NOL4: variants seen among roughly 807,000 people sequenced by gnomAD.
The protein encoded by NOL4 is cancer/testis antigen 125.
Under a neutral mutation model 75.9 loss-of-function variants are expected in NOL4, and 17 were observed. That is an observed-to-expected ratio of 0.22 (90% CI 0.15 to 0.34). The LOEUF is 0.34. NOL4 is among the 10% of genes least tolerant of loss of function. The probability of loss-of-function intolerance (pLI) is 1.00; values close to 1 mark genes in which losing one functional copy is unlikely to be tolerated. For missense variants in NOL4, 614 were observed against 793.5 expected (o/e 0.77, Z 2.72); for synonymous variants, 292 against 289.9 (o/e 1.01, Z -0.07).
chr18:34,053,021 C>T (rs2076686510), intron 5 of NOL4, among the ~76,000 whole-genome samples: 1 of 152,040 alleles, frequency 6.6e-6, no homozygotes, highest in Non-Finnish European at 1.5e-5. Flanking sequence ...AACCAACATT[C>T]TGTAAGCAGC....
At chr18:34,107,800 G>C (rs1381436942) in intron 2 of NOL4, among the ~76,000 whole-genome samples, 1 of 151,794 alleles carries the variant, frequency 6.6e-6, no homozygotes, top group Non-Finnish European at 1.5e-5. Flanking sequence ...TCCAGCATTT[G>C]TCCCCTCACA....
chr18:33,925,163 T>C (rs1200140546), intron 9 of NOL4, among the ~76,000 whole-genome samples: 2 of 152,218 alleles, frequency 1.3e-5, no homozygotes, highest in Non-Finnish European at 2.9e-5. Context: ...AGTACGATTA[T>C]GTATGATGTG....
intron 5 of NOL4, among the ~76,000 whole-genome samples, chr18:34,080,126 C>T (rs1008896283): frequency 5.9e-5 from 9 of 152,314 alleles, no homozygotes; most frequent in African/African-American, 2.2e-4. Context: ...CTTACATGTT[C>T]TTGTGCCTTT....
intron 1 of NOL4, among the ~76,000 whole-genome samples, chr18:34,192,999 C>T (rs920846135): frequency 1.3e-5 from 2 of 152,164 alleles, no homozygotes; most frequent in Non-Finnish European, 1.5e-5. Flanking sequence ...GATTTTCTAA[C>T]CTCCAGAACT....
intron 1 of NOL4, among the ~76,000 whole-genome samples, chr18:34,138,665 T>C (rs2081003695): frequency 6.6e-6 from 1 of 152,164 alleles, no homozygotes; most frequent in South Asian, 2.1e-4. Flanking sequence ...GAATACCCTT[T>C]ATTTCTTTCT....
intron 9 of NOL4, among the ~76,000 whole-genome samples, chr18:33,915,410 T>G (rs2145193632): frequency 6.6e-6 from 1 of 152,134 alleles, no homozygotes; most frequent in Non-Finnish European, 1.5e-5. Flanking sequence ...TTTTTTTGCT[T>G]TTCGGTTTGT....
chr18:34,151,143 A>G (rs2146086556), intron 1 of NOL4, among the ~76,000 whole-genome samples: 1 of 152,026 alleles, frequency 6.6e-6, no homozygotes, highest in East Asian at 1.9e-4. Flanking sequence ...ACTTTGGAAG[A>G]AAGTTTGGCA....
At chr18:34,152,060 T>C (rs1039476872) in intron 1 of NOL4, among the ~76,000 whole-genome samples, 3 of 151,878 alleles carry the variant, frequency 2.0e-5, no homozygotes, top group Non-Finnish European at 4.4e-5. Flanking sequence ...CCCTTTTTAG[T>C]GCATGTATCA....
At chr18:34,109,145 A>G (rs2145725144) in intron 2 of NOL4, among the ~76,000 whole-genome samples, 1 of 152,320 alleles carries the variant, frequency 6.6e-6, no homozygotes. Flanking sequence ...AACTGGGAAC[A>G]CAACATATCA....
intron 5 of NOL4, among the ~76,000 whole-genome samples, chr18:34,072,300 T>G (rs1568305859): frequency 6.6e-6 from 1 of 152,056 alleles, no homozygotes; most frequent in Non-Finnish European, 1.5e-5. Context: ...AAGAAAACTG[T>G]TGTGGCTATA....
chr18:33,990,381 A>G lies in NOL4; in HGVS notation c.1056+28937T>C, dbSNP rs527445113. On this transcript the variant is annotated intron_variant, in intron 6 of 10. Coordinates refer to ENST00000261592, the MANE Select transcript of NOL4 (RefSeq NM_003787.5). ...AGATCTTCCAGCTGTACCCTCTGAA[A>G]CCACCCCCTTCCATAGCAGACACAT... 4.0e-4 allele frequency among the ~76,000 whole-genome samples: 61 copies of G among 152,026 alleles called. 1 individual carries two copies. The highest frequency in any genetic ancestry group is 1.4e-3 in the African/African-American group (58 of 41,508).
At chr18:33,995,025 C>A in intron 6 of NOL4, among the ~76,000 whole-genome samples, 1 of 151,512 alleles carries the variant, frequency 6.6e-6, no homozygotes, top group African/African-American at 2.4e-5. Context: ...CCTTAGATGA[C>A]ATGGAAAAAC....
chr18:34,088,398 C>T (rs961532666), intron 5 of NOL4, among the ~76,000 whole-genome samples: 1 of 152,012 alleles, frequency 6.6e-6, no homozygotes, highest in African/African-American at 2.4e-5. Context: ...CCATAAATGA[C>T]TAGGATCTGA....
intron 8 of NOL4, among the ~76,000 whole-genome samples, chr18:33,949,933 G>T (rs755647072): frequency 4.6e-5 from 7 of 151,810 alleles, no homozygotes; most frequent in Non-Finnish European, 8.8e-5. Context: ...ATTAACAACT[G>T]AAATAACATG....
chr18:34,118,741 A>G (rs1041953464), intron 2 of NOL4, among the ~76,000 whole-genome samples: 3 of 152,210 alleles, frequency 2.0e-5, no homozygotes, highest in Non-Finnish European at 2.9e-5. Flanking sequence ...TAGATGTGTT[A>G]TAAAATTGAA....
chr18:33,958,539 G>C, intron 6 of NOL4, 121 bp from the exon 7 acceptor site: 1 of 718,806 alleles, frequency 1.4e-6, no homozygotes, highest in South Asian at 3.8e-5. Flanking sequence ...TAACTCTAGA[G>C]CTGTGGTGAT....
chr18:34,142,937 C>T (rs2081242183), intron 1 of NOL4, among the ~76,000 whole-genome samples: 1 of 152,040 alleles, frequency 6.6e-6, no homozygotes, highest in Non-Finnish European at 1.5e-5. Flanking sequence ...GGAAAAATAA[C>T]AGTACAATAA....
chr18:33,988,495 TG>T (rs999144326), intron 6 of NOL4, among the ~76,000 whole-genome samples: 1 of 151,662 alleles, frequency 6.6e-6, no homozygotes, highest in East Asian at 1.9e-4. Flanking sequence ...GCAGGAGAGG[TG>T]GGGGCAGCTC....
At chr18:34,037,125 C>T (rs1423637172) in intron 5 of NOL4, among the ~76,000 whole-genome samples, 1 of 152,040 alleles carries the variant, frequency 6.6e-6, no homozygotes, top group Non-Finnish European at 1.5e-5. Flanking sequence ...CATTTCTGTA[C>T]ACCATAGTGA....
Sources: allele counts gnomAD v4.1 joint callset (sites outside exome capture counted in the v4.1 genomes callset), GRCh38; gene constraint gnomAD v4.1.1; transcripts MANE v1.5; gene names NCBI Gene and HGNC (gene_info 2026-07-23, HGNC 2026-07-21).